The following UGT2A1 variants were observed in gnomAD, a reference collection of about 807,000 sequenced individuals.
UGT2A1 encodes the protein UDP glucuronosyltransferase family 2 member A1 complex locus, also known as UDP-glucuronosyltransferase 2A1.
Under a neutral mutation model 45.4 loss-of-function variants are expected in UGT2A1, and 61 were observed. That is an observed-to-expected ratio of 1.34 (90% confidence interval 1.09 to 1.66). UGT2A1 has a LOEUF of 1.66. Ranked by LOEUF, UGT2A1 falls within the 40% of genes most tolerant of loss-of-function variation. UGT2A1 has a pLI of 0.00. For synonymous variants in UGT2A1, 229 were observed against 196.2 expected (o/e 1.17, Z -1.40); for missense variants, 649 against 574.3 (o/e 1.13, Z -1.33).
At chr4:69,607,018 C>A (rs1719669157) in intron 3 of UGT2A1, among the ~76,000 whole-genome samples, 1 of 135,680 alleles carries the variant, frequency 7.4e-6, no homozygotes, top group Non-Finnish European at 1.6e-5. Flanking sequence ...GATTCAATGC[C>A]ATCCCCATCA....
chr4:69,611,460 TA>T lies in UGT2A1; in HGVS notation c.848-12067del, dbSNP rs1182084470. On this transcript the variant is annotated intron_variant, in intron 3 of 6. Transcript: ENST00000286604. ...AGAAATGATAAGAAAAAAAAACTAA[TA>T]AATGTATGCACACACTATGACAAGG... Among the ~76,000 whole-genome samples, 5 of 152,032 alleles carry T rather than the reference TA, an allele frequency of 3.3e-5. No homozygotes were observed. In the East Asian group the frequency reaches 9.7e-4, roughly 29 times the overall value.
chr4:69,599,150 C>T lies in UGT2A1; in HGVS notation c.996+96G>A, dbSNP rs895520877. The stretch of plus-strand genomic sequence containing the variant: ...ATGTGGAGTAGCAAACTGAAATGTC[C>T]AGCAGCATTTATTTGTTATTGAGGC... On this transcript the variant is annotated intron_variant, in intron 4 of 6. Transcript: ENST00000286604. 1.2e-4 allele frequency: 173 copies of T among 1,440,388 alleles called. No homozygotes were observed. The Middle Eastern group carries it at 2.9e-3, about 24-fold the overall frequency. The allele number at this position is 1,440,388 out of a possible 1,614,324, so 89.2% of individuals were successfully genotyped here. A position where few individuals can be genotyped will look rare whatever the true frequency, so the allele number is the denominator to read the frequency against.
rs187159615 is a variant in UGT2A1 at position 69,589,280 on chromosome 4, T to C, written c.*92A>G. On this transcript the variant is annotated 3_prime_UTR_variant, in exon 7 of 7. Coordinates refer to ENST00000286604, the MANE Select transcript of UGT2A1 (RefSeq NM_001252275.3). ...TGGAAACAGGATGGGAGACGTGTTT[T>C]TGTTAAACTCCTTTTGTCTGGAATT... The C allele has an allele frequency of 2.3e-4, 316 of 1,395,886 alleles. No individual in the cohort carries two copies. In the East Asian group the frequency reaches 6.4e-3, roughly 28 times the overall value. The allele number at this position is 1,395,886 out of a possible 1,614,324, so 86.5% of individuals were successfully genotyped here.
intron 3 of UGT2A1, among the ~76,000 whole-genome samples, chr4:69,631,270 A>G (rs1021095318): frequency 6.6e-6 from 1 of 151,916 alleles, no homozygotes; most frequent in African/African-American, 2.4e-5. Context: ...CTATCTTCCC[A>G]TATTTTTTCA....
intron 3 of UGT2A1, among the ~76,000 whole-genome samples, chr4:69,600,631 T>G (rs73824169): frequency 6.6e-6 from 1 of 152,090 alleles, no homozygotes; most frequent in Admixed American, 6.5e-5. Flanking sequence ...TTTATTTTTT[T>G]AAAAAGAGGT....
At chr4:69,593,322 G>A (rs1718693018) in intron 6 of UGT2A1, among the ~76,000 whole-genome samples, 1 of 151,728 alleles carries the variant, frequency 6.6e-6, no homozygotes, top group South Asian at 2.1e-4. Flanking sequence ...AGAAAAAAAT[G>A]ACATAAATAT....
intron 3 of UGT2A1, among the ~76,000 whole-genome samples, chr4:69,613,484 G>A (rs1233436917): frequency 1.3e-5 from 2 of 151,284 alleles, no homozygotes; most frequent in Admixed American, 6.6e-5. Context: ...TTCCAACTAT[G>A]TTTGGAATAC....
intron 3 of UGT2A1, among the ~76,000 whole-genome samples, chr4:69,629,620 G>A (rs982218979): frequency 2.4e-4 from 37 of 152,036 alleles, no homozygotes; most frequent in African/African-American, 8.2e-4. Flanking sequence ...GTTCAGGTGA[G>A]TTAGTTGATA....
intron 3 of UGT2A1, among the ~76,000 whole-genome samples, chr4:69,609,740 C>G (rs1007203761): frequency 6.6e-6 from 1 of 152,048 alleles, no homozygotes; most frequent in African/African-American, 2.4e-5. Flanking sequence ...TGGTTTATAT[C>G]CTGTAAATAC....
chr4:69,608,070 G>A (rs6826237), intron 3 of UGT2A1, among the ~76,000 whole-genome samples: 38,751 of 151,960 alleles, frequency 0.26, 5,435 homozygotes, highest in African/African-American at 0.37. Flanking sequence ...CCATTACTGC[G>A]TATATACCCA....
chr4:69,596,293 T>G (rs1428296426), intron 4 of UGT2A1: 1 of 1,607,216 alleles, frequency 6.2e-7, no homozygotes, highest in East Asian at 2.2e-5. Context: ...AAGATTGGCC[T>G]TTTCTTCTGT....
Position 69,607,100 on chromosome 4 carries a change from C to T in UGT2A1, c.848-7706G>A, listed in dbSNP as rs1430831219. On this transcript the variant is annotated intron_variant, in intron 3 of 6. Coordinates refer to ENST00000286604, the MANE Select transcript of UGT2A1 (RefSeq NM_001252275.3). The stretch of plus-strand genomic sequence containing the variant: ...GTTCATATGGAACCAAAAAAGAGCC[C>T]GCATTGCCAAGTCAATCCTAAGCCA... Among the ~76,000 whole-genome samples the T allele has an allele frequency of 1.9e-4, 27 of 138,960 alleles. 2 individuals carry two copies. The highest frequency in any genetic ancestry group is 1.1e-3 in the Admixed American group (16 of 14,086). 91.2% of individuals were successfully genotyped at this position (138,960 alleles called of 152,430 possible).
intron 4 of UGT2A1, among the ~76,000 whole-genome samples, chr4:69,598,472 A>G (rs1719065495): frequency 6.6e-6 from 1 of 152,100 alleles, no homozygotes. Flanking sequence ...GTAGCATACA[A>G]TTTCCTTCTC....
intron 3 of UGT2A1, among the ~76,000 whole-genome samples, chr4:69,629,474 A>G (rs1417290310): frequency 6.6e-6 from 1 of 152,022 alleles, no homozygotes; most frequent in Non-Finnish European, 1.5e-5. Context: ...TTGACTAGAT[A>G]GTTTATGTTA....
At chr4:69,648,342 A>T (rs1722377027) in intron 1 of UGT2A1, among the ~76,000 whole-genome samples, 1 of 151,650 alleles carries the variant, frequency 6.6e-6, no homozygotes, top group Middle Eastern at 3.5e-3. Context: ...AATAAAATAA[A>T]ATATGTGCAA....
At chr4:69,624,468 A>T (rs1720923372) in intron 3 of UGT2A1, among the ~76,000 whole-genome samples, 1 of 151,470 alleles carries the variant, frequency 6.6e-6, no homozygotes, top group East Asian at 1.9e-4. Context: ...TAATGTGATT[A>T]TCTACATGTT....
intron 3 of UGT2A1, among the ~76,000 whole-genome samples, chr4:69,609,050 A>T (rs1719862589): frequency 6.6e-6 from 1 of 152,124 alleles, no homozygotes; most frequent in African/African-American, 2.4e-5. Flanking sequence ...TTTAAAATCT[A>T]CGATTCATTA....
chr4:69,605,330 A>G (rs1577958826), intron 3 of UGT2A1, among the ~76,000 whole-genome samples: 1 of 137,268 alleles, frequency 7.3e-6, no homozygotes, highest in East Asian at 2.1e-4. Flanking sequence ...TACTGGGTAC[A>G]TAACGAAATG....
At chr4:69,593,956 A>C (rs981285681) in intron 6 of UGT2A1, among the ~76,000 whole-genome samples, 2 of 150,828 alleles carry the variant, frequency 1.3e-5, no homozygotes, top group Admixed American at 6.6e-5. Flanking sequence ...TATTGAAATA[A>C]TATTTGAAGT....
Sources: allele counts gnomAD v4.1 joint callset (sites outside exome capture counted in the v4.1 genomes callset), GRCh38; gene constraint gnomAD v4.1.1; transcripts MANE v1.5; gene names NCBI Gene and HGNC (gene_info 2026-07-23, HGNC 2026-07-21).